CD9: variants seen among roughly 807,000 people sequenced by gnomAD.
CD9 encodes the protein CD9 molecule.
A neutral mutation model predicts 31.4 loss-of-function variants in CD9; 10 were observed. The ratio of observed to expected loss-of-function variants is 0.32; its 90% CI spans 0.20 to 0.54. The LOEUF (loss-of-function observed/expected upper bound fraction) is 0.54, where lower values mean the gene tolerates loss of function less well. Among genes scored for constraint, CD9 ranks in the 20% least tolerant of loss-of-function variants. The probability of loss-of-function intolerance (pLI) is 0.94; values close to 1 mark genes in which losing one functional copy is unlikely to be tolerated. For synonymous variants in CD9, 113 were observed against 114.1 expected (o/e 0.99, Z 0.06); for missense variants, 259 against 300.1 (o/e 0.86, Z 1.01).
chr12:6,214,721 T>C (rs1315854367), intron 1 of CD9, among the ~76,000 whole-genome samples: 1 of 152,058 alleles, frequency 6.6e-6, no homozygotes, highest in East Asian at 1.9e-4. Context: ...GTCTCATGCA[T>C]AACAGCGAGC....
In CD9 at chr12:6,225,666, T is replaced by C. The variant is rs1946355813; in HGVS notation, c.175+132T>C. The stretch of plus-strand genomic sequence containing the variant: ...TTGCTCTAGCCACGCTGGCCAGTCG[T>C]GTCCCTTTCAAGTTGTGCAGTTTTT... On this transcript the variant is annotated intron_variant, in intron 2 of 7. Coordinates refer to ENST00000009180, the MANE Select transcript of CD9 (RefSeq NM_001769.4). The C allele has an allele frequency of 1.3e-5, 8 of 616,030 alleles. No homozygotes were observed. The South Asian group carries it at 1.5e-4, about 12-fold the overall frequency. 38.2% of individuals were successfully genotyped at this position (616,030 alleles called of 1,614,324 possible). A position where few individuals can be genotyped will look rare whatever the true frequency, so the allele number is the denominator to read the frequency against.
intron 2 of CD9, among the ~76,000 whole-genome samples, chr12:6,231,728 A>G (rs1946449132): frequency 6.6e-6 from 1 of 152,116 alleles, no homozygotes; most frequent in Non-Finnish European, 1.5e-5. Context: ...TCCATGAGCC[A>G]CTCAGATCAA....
At chr12:6,233,025 CT>C in intron 3 of CD9, 1 of 702,388 alleles carries the variant, frequency 1.4e-6, no homozygotes, top group South Asian at 1.5e-5. Context: ...CCTTCTCCTT[CT>C]TGTTTCAAAA....
chr12:6,236,546 T>C (rs1167694019), intron 7 of CD9: 2 of 508,196 alleles, frequency 3.9e-6, no homozygotes. Context: ...GGCACATGGG[T>C]GGCAGTGCTG....
intron 4 of CD9, 72 bp from the exon 5 acceptor site, chr12:6,235,157 A>C (rs997355745): frequency 9.2e-7 from 1 of 1,085,312 alleles, no homozygotes; most frequent in Non-Finnish European, 1.4e-6. Context: ...ACAAGATGGA[A>C]CGCATAACAT....
intron 2 of CD9, among the ~76,000 whole-genome samples, chr12:6,226,841 C>G (rs2136627615): frequency 6.6e-6 from 1 of 152,328 alleles, no homozygotes; most frequent in African/African-American, 2.4e-5. Context: ...CTGTGACAGG[C>G]TTAGAATGCT....
intron 2 of CD9, among the ~76,000 whole-genome samples, chr12:6,228,343 G>A (rs983404179): frequency 2.6e-5 from 4 of 152,114 alleles, no homozygotes; most frequent in African/African-American, 9.7e-5. Flanking sequence ...CCCGAGGTCA[G>A]GAGTTCGACA....
At chr12:6,216,198 GCCT>G (rs1946240481) in intron 1 of CD9, among the ~76,000 whole-genome samples, 1 of 152,230 alleles carries the variant, frequency 6.6e-6, no homozygotes, top group Non-Finnish European at 1.5e-5. Flanking sequence ...GGTCTGGGTG[GCCT>G]GACTTGTTTT....
intron 2 of CD9, chr12:6,225,759 G>A: frequency 3.6e-6 from 2 of 559,900 alleles, no homozygotes; most frequent in East Asian, 3.0e-5. Flanking sequence ...GGCCAAGTCA[G>A]GCATGTTGAT....
chr12:6,235,384 C>T, intron 5 of CD9, 57 bp downstream of exon 5: 2 of 1,614,134 alleles, frequency 1.2e-6, no homozygotes, highest in East Asian at 2.2e-5. Context: ...TGTCTGCACA[C>T]AGGGTGCTGA....
At chr12:6,225,590 C>A in intron 2 of CD9, 56 bp downstream of exon 2, 2 of 1,184,932 alleles carry the variant, frequency 1.7e-6, no homozygotes, top group Non-Finnish European at 2.5e-6. Flanking sequence ...AAAGTTCCTG[C>A]AACTTTGGAG....
intron 1 of CD9, among the ~76,000 whole-genome samples, chr12:6,206,876 G>A (rs1180080701): frequency 6.6e-6 from 1 of 151,136 alleles, no homozygotes; most frequent in Non-Finnish European, 1.5e-5. Context: ...AAAATGTTAT[G>A]TCTGTTTCTG....
chr12:6,231,062 C>A (rs1313805677), intron 2 of CD9, among the ~76,000 whole-genome samples: 1 of 152,166 alleles, frequency 6.6e-6, no homozygotes, highest in African/African-American at 2.4e-5. Flanking sequence ...GCCGAGGGTT[C>A]TCATCGAGTG....
intron 1 of CD9, among the ~76,000 whole-genome samples, chr12:6,223,760 G>A (rs11568240): frequency 0.013 from 1,911 of 152,308 alleles, 14 homozygotes; most frequent in Middle Eastern, 0.031. Flanking sequence ...CTTGGTCGGG[G>A]AACCCATGGT....
intron 1 of CD9, among the ~76,000 whole-genome samples, chr12:6,218,461 T>C (rs893862653): frequency 6.6e-6 from 1 of 152,100 alleles, no homozygotes; most frequent in Non-Finnish European, 1.5e-5. Flanking sequence ...TTCCTCTGGG[T>C]TACCTCCTCT....
intron 2 of CD9, among the ~76,000 whole-genome samples, chr12:6,229,305 C>T (rs559996696): frequency 2.6e-5 from 4 of 152,286 alleles, no homozygotes; most frequent in South Asian, 4.1e-4. Flanking sequence ...TTTCAGGACA[C>T]GCGACACTTG....
At chr12:6,217,038 A>G (rs557739904) in intron 1 of CD9, among the ~76,000 whole-genome samples, 1 of 152,252 alleles carries the variant, frequency 6.6e-6, no homozygotes, top group South Asian at 2.1e-4. Context: ...TTTTTCCACA[A>G]ACGAGGACTG....
chr12:6,222,194 A>G (rs973101303), intron 1 of CD9, among the ~76,000 whole-genome samples: 1 of 152,226 alleles, frequency 6.6e-6, no homozygotes, highest in Non-Finnish European at 1.5e-5. Flanking sequence ...GACTCAGCCA[A>G]CTGGAGCAAT....
chr12:6,213,719 G>A (rs1307572112), intron 1 of CD9, among the ~76,000 whole-genome samples: 3 of 152,152 alleles, frequency 2.0e-5, no homozygotes, highest in East Asian at 3.8e-4. Context: ...GACACCAGGG[G>A]TAGGAAGTGG....
Sources: gnomAD v4.1 joint callset for allele counts (sites outside exome capture counted in the v4.1 genomes callset) on GRCh38, gnomAD v4.1.1 for gene constraint, MANE v1.5 for transcripts, NCBI Gene and HGNC (gene_info 2026-07-23, HGNC 2026-07-21) for gene names.